The following NBEA variants were observed in gnomAD, a reference collection of about 807,000 sequenced individuals.
NBEA encodes neurobeachin.
NBEA carries 44 observed loss-of-function variants against 343.4 expected under a neutral mutation model. The observed-to-expected ratio is 0.13, with a 90% CI of 0.10 to 0.16. The LOEUF is 0.16. Among genes scored for constraint, NBEA ranks in the 10% least tolerant of loss-of-function variants. The probability of loss-of-function intolerance (pLI) is 1.00; values close to 1 mark genes in which losing one functional copy is unlikely to be tolerated. For synonymous variants in NBEA, 1,175 were observed against 1,238.7 expected (o/e 0.95, Z 1.08); for missense variants, 2,555 against 3,631.3 (o/e 0.70, Z 7.62).
chr13:35,074,409 A>G (rs1479707857), intron 10 of NBEA, among the ~76,000 whole-genome samples: 1 of 152,150 alleles, frequency 6.6e-6, no homozygotes, highest in African/African-American at 2.4e-5. Context: ...TGTGTGACCT[A>G]AGACAGTTTT....
At chr13:35,296,976 T>C (rs909345384) in intron 35 of NBEA, among the ~76,000 whole-genome samples, 1 of 152,050 alleles carries the variant, frequency 6.6e-6, no homozygotes, top group African/African-American at 2.4e-5. Flanking sequence ...GCAAAAATAG[T>C]ACACAGAGTC....
At chr13:35,214,083 A>G (rs2073934780) in intron 33 of NBEA, among the ~76,000 whole-genome samples, 1 of 151,884 alleles carries the variant, frequency 6.6e-6, no homozygotes, top group Non-Finnish European at 1.5e-5. Context: ...TGAGTAGTCT[A>G]TTCCTTTTTA....
Position 35,671,209 on chromosome 13 carries a change from A to T in NBEA, c.*218A>T, listed in dbSNP as rs2085601560. The T allele has an allele frequency of 6.7e-6, 3 of 449,340 alleles. No individual in the cohort carries two copies. The highest frequency in any genetic ancestry group is 1.2e-5 in the Non-Finnish European group (3 of 248,386). The allele number at this position is 449,340 out of a possible 1,614,324, so 27.8% of individuals were successfully genotyped here. ...CTATCAAGCAAGCTTATATCATGTA[A>T]ATTATATGAATTAGGAGATGTTTTG... On this transcript the variant is annotated 3_prime_UTR_variant, in exon 59 of 59. Coordinates refer to ENST00000379939, the MANE Select transcript of NBEA (RefSeq NM_001385012.1).
intron 1 of NBEA, among the ~76,000 whole-genome samples, chr13:35,020,619 A>G (rs1276928611): frequency 1.3e-5 from 2 of 152,182 alleles, no homozygotes; most frequent in East Asian, 3.9e-4. Context: ...ACTGGTTTCA[A>G]GCAATTCTCG....
intron 41 of NBEA, among the ~76,000 whole-genome samples, chr13:35,537,344 G>T (rs151202433): frequency 6.6e-6 from 1 of 151,778 alleles, no homozygotes; most frequent in Non-Finnish European, 1.5e-5. Flanking sequence ...TTAATCAGAA[G>T]AACAAAATCA....
chr13:35,328,051 A>G (rs949216109), intron 36 of NBEA, among the ~76,000 whole-genome samples: 17 of 152,104 alleles, frequency 1.1e-4, no homozygotes, highest in African/African-American at 3.9e-4. Flanking sequence ...CAAGGCAAGG[A>G]TGTTCTCACC....
chr13:35,241,569 T>C (rs1402083881), intron 34 of NBEA, among the ~76,000 whole-genome samples: 2 of 151,830 alleles, frequency 1.3e-5, no homozygotes, highest in South Asian at 4.1e-4. Context: ...AAAACTGTTT[T>C]GTTTTATCAA....
At chr13:35,010,726 C>CAAAAAAAAAA (rs769896169) in intron 1 of NBEA, among the ~76,000 whole-genome samples, 6 of 9,696 alleles carry the variant, frequency 6.2e-4, no homozygotes, top group African/African-American at 1.6e-3. Flanking sequence ...TGGGTCTCTA[C>CAAAAAAAAAA]AAAAAAAAAA....
intron 18 of NBEA, among the ~76,000 whole-genome samples, chr13:35,148,871 CTGTGTACCA>C (rs1281043843): frequency 6.6e-6 from 1 of 152,130 alleles, no homozygotes; most frequent in African/African-American, 2.4e-5. Flanking sequence ...ACCAGACAGG[CTGTGTACCA>C]GTAAAACTGT....
intron 46 of NBEA, among the ~76,000 whole-genome samples, chr13:35,592,367 G>T (rs2081577109): frequency 6.6e-6 from 1 of 152,060 alleles, no homozygotes; most frequent in African/African-American, 2.4e-5. Flanking sequence ...CAATGAATAA[G>T]GTAGATACGG....
intron 47 of NBEA, among the ~76,000 whole-genome samples, chr13:35,600,915 G>T (rs1156984612): frequency 1.3e-5 from 2 of 152,230 alleles, no homozygotes; most frequent in East Asian, 1.9e-4. Context: ...GGTGGTTCAT[G>T]CCTGTAATCA....
At chr13:35,533,184 A>G (rs1317885500) in intron 41 of NBEA, among the ~76,000 whole-genome samples, 1 of 152,196 alleles carries the variant, frequency 6.6e-6, no homozygotes, top group Non-Finnish European at 1.5e-5. Context: ...CCAATCTGAT[A>G]GATTAAAAAT....
intron 5 of NBEA, 118 bp downstream of exon 5, chr13:35,048,802 G>C: frequency 1.9e-6 from 1 of 538,486 alleles, no homozygotes; most frequent in Non-Finnish European, 3.1e-6. Flanking sequence ...ATATATGCTA[G>C]AACTGTGAAG....
intron 49 of NBEA, among the ~76,000 whole-genome samples, chr13:35,636,419 T>C (rs1208441531): frequency 2.0e-5 from 3 of 152,210 alleles, no homozygotes; most frequent in South Asian, 4.1e-4. Flanking sequence ...CTCACTTTAG[T>C]ATACTAAAAG....
At chr13:35,559,698 G>A (rs1487424515) in intron 44 of NBEA, among the ~76,000 whole-genome samples, 1 of 152,018 alleles carries the variant, frequency 6.6e-6, no homozygotes, top group East Asian at 1.9e-4. Context: ...GGTGGATCAC[G>A]AGGTCAGGAG....
At chr13:35,599,372 AG>A (rs1336239229) in intron 47 of NBEA, among the ~76,000 whole-genome samples, 2 of 152,238 alleles carry the variant, frequency 1.3e-5, no homozygotes, top group Admixed American at 1.3e-4. Context: ...ATCAGAGTTA[AG>A]GCTCAAAAAG....
intron 48 of NBEA, among the ~76,000 whole-genome samples, chr13:35,609,617 A>C (rs1319507399): frequency 6.6e-6 from 1 of 152,182 alleles, no homozygotes. Flanking sequence ...CAGTTATGTA[A>C]GATCAGTTTC....
intron 1 of NBEA, among the ~76,000 whole-genome samples, chr13:34,980,998 GTTAT>G (rs553380425): frequency 2.6e-5 from 4 of 152,092 alleles, no homozygotes; most frequent in Non-Finnish European, 5.9e-5. Context: ...TGAATTTACA[GTTAT>G]TTAACTGTAA....
intron 20 of NBEA, 146 bp from the exon 21 acceptor site, chr13:35,156,932 A>G (rs992729589): frequency 2.0e-6 from 1 of 495,954 alleles, no homozygotes; most frequent in Non-Finnish European, 3.4e-6. Context: ...TTCCAAGTAT[A>G]GAATATATAA....
Sources: allele counts gnomAD v4.1 joint callset (sites outside exome capture counted in the v4.1 genomes callset), GRCh38; gene constraint gnomAD v4.1.1; transcripts MANE v1.5; gene names NCBI Gene and HGNC (gene_info 2026-07-23, HGNC 2026-07-21).